Variants in BEND6 observed in about 807,000 individuals in gnomAD.
The protein encoded by BEND6 is BEN domain-containing protein 6.
BEND6 carries 24 observed loss-of-function variants against 31.8 expected under a neutral mutation model. The observed-to-expected ratio is 0.75, with a 90% CI of 0.55 to 1.06. The LOEUF is 1.06. Among genes scored for constraint, BEND6 ranks in the 50% least tolerant of loss-of-function variants. BEND6 has a pLI of 0.00. For synonymous variants in BEND6, 109 were observed against 114.6 expected (o/e 0.95, Z 0.31); for missense variants, 294 against 327.4 (o/e 0.90, Z 0.79).
At chr6:56,990,249 CTTTTTTTTTTT>C (rs943959318) in intron 2 of BEND6, among the ~76,000 whole-genome samples, 2 of 110,172 alleles carry the variant, frequency 1.8e-5, no homozygotes, top group African/African-American at 3.4e-5. Flanking sequence ...CCACTCGCTT[CTTTTTTTTTTT>C]TTTTTTTTTG....
chr6:57,015,666 G>C lies in BEND6; in HGVS notation c.519+313G>C, dbSNP rs553073854. Among the ~76,000 whole-genome samples the C allele has an allele frequency of 4.0e-5, 6 of 151,630 alleles. No homozygotes were observed. The South Asian group carries it at 1.3e-3, about 32-fold the overall frequency. Reference sequence around the variant, plus strand: ...CAAAAAAAAAAAAAATTAACCGGACGTGATGACGGGCACCTGTAGTCCCAG... The same window carrying C: ...CAAAAAAAAAAAAAATTAACCGGACCTGATGACGGGCACCTGTAGTCCCAG... On this transcript the variant is annotated intron_variant, in intron 4 of 6. Transcript: ENST00000370746.
chr6:56,959,197 C>T lies in BEND6; in HGVS notation c.-101+3737C>T, dbSNP rs192701321. On this transcript the variant is annotated intron_variant, in intron 1 of 6. Coordinates refer to ENST00000370746, the MANE Select transcript of BEND6 (RefSeq NM_152731.3). ...ACTAGCTCTTTCTGGTCTCAGGTTG[C>T]TTTAGACTCTGCAGAGTGAAAATTG... 1.1e-3 allele frequency among the ~76,000 whole-genome samples: 175 copies of T among 152,258 alleles called. 1 individual carries two copies. The highest frequency in any genetic ancestry group is 1.8e-3 in the Non-Finnish European group (123 of 68,018).
At chr6:56,968,036 TAAGTG>T (rs1825547206) in intron 1 of BEND6, among the ~76,000 whole-genome samples, 1 of 152,208 alleles carries the variant, frequency 6.6e-6, no homozygotes, top group Non-Finnish European at 1.5e-5. Flanking sequence ...TTATTTTTAT[TAAGTG>T]AAGGAGGCAG....
intron 6 of BEND6, among the ~76,000 whole-genome samples, chr6:57,023,076 A>G (rs935883432): frequency 5.9e-5 from 9 of 152,180 alleles, no homozygotes; most frequent in Admixed American, 2.6e-4. Context: ...CCATGTGTTA[A>G]TGAAAACAAT....
At chr6:56,978,415 A>G (rs1291225318) in intron 1 of BEND6, among the ~76,000 whole-genome samples, 1 of 152,132 alleles carries the variant, frequency 6.6e-6, no homozygotes, top group African/African-American at 2.4e-5. Context: ...CCCTATGCCA[A>G]TTTCCTCTCC....
At chr6:56,992,246 G>A (rs1826531716) in intron 2 of BEND6, 132 bp from the exon 3 acceptor site, 1 of 1,012,926 alleles carries the variant, frequency 9.9e-7, no homozygotes, top group Non-Finnish European at 1.4e-6. Flanking sequence ...ACAAAGCTGG[G>A]GCTAGATCAG....
At chr6:56,973,665 C>T (rs1428377320) in intron 1 of BEND6, among the ~76,000 whole-genome samples, 1 of 152,124 alleles carries the variant, frequency 6.6e-6, no homozygotes, top group African/African-American at 2.4e-5. Flanking sequence ...AGTGTGGATA[C>T]GCTGGACAAA....
At chr6:56,990,811 A>T (rs569484747) in intron 2 of BEND6, among the ~76,000 whole-genome samples, 9 of 152,282 alleles carry the variant, frequency 5.9e-5, no homozygotes, top group South Asian at 2.1e-4. Flanking sequence ...TCAATTTTTT[A>T]AAAAAATTAA....
At chr6:56,999,686 G>C (rs1273567023) in intron 3 of BEND6, among the ~76,000 whole-genome samples, 4 of 152,196 alleles carry the variant, frequency 2.6e-5, no homozygotes, top group Non-Finnish European at 4.4e-5. Flanking sequence ...AGACCACTGT[G>C]TACTCCACCA....
chr6:56,972,827 C>G (rs1825737162), intron 1 of BEND6, among the ~76,000 whole-genome samples: 1 of 152,188 alleles, frequency 6.6e-6, no homozygotes, highest in Admixed American at 6.5e-5. Context: ...AGTACAAGAA[C>G]AGGCCCAGCA....
At chr6:57,011,469 C>T (rs1827338446) in intron 3 of BEND6, among the ~76,000 whole-genome samples, 1 of 151,956 alleles carries the variant, frequency 6.6e-6, no homozygotes, top group African/African-American at 2.4e-5. Context: ...AGTGGCTCCC[C>T]ACTGTAATCC....
At chr6:56,986,041 A>G (rs1436702603) in intron 2 of BEND6, among the ~76,000 whole-genome samples, 6 of 152,206 alleles carry the variant, frequency 3.9e-5, no homozygotes, top group Non-Finnish European at 1.5e-5. Flanking sequence ...ACTAATTACT[A>G]CTAACAGAAT....
At chr6:56,990,702 C>A (rs1042326327) in intron 2 of BEND6, among the ~76,000 whole-genome samples, 1 of 152,144 alleles carries the variant, frequency 6.6e-6, no homozygotes, top group African/African-American at 2.4e-5. Flanking sequence ...GCCTTCTGTT[C>A]TTCCATATAA....
chr6:57,004,677 T>A (rs921825757), intron 3 of BEND6: 17 of 1,501,504 alleles, frequency 1.1e-5, no homozygotes, highest in East Asian at 9.0e-5. Context: ...AAAAAAAAAA[T>A]GTGAATCAGT....
chr6:56,988,389 CAT>C (rs1001826104), intron 2 of BEND6, among the ~76,000 whole-genome samples: 2 of 152,048 alleles, frequency 1.3e-5, no homozygotes, highest in African/African-American at 2.4e-5. Context: ...GACCTAATAG[CAT>C]AGTCTCAGTC....
At chr6:56,992,172 C>T (rs2127863047) in intron 2 of BEND6, among the ~76,000 whole-genome samples, 1 of 152,278 alleles carries the variant, frequency 6.6e-6, no homozygotes, top group Middle Eastern at 3.4e-3. Flanking sequence ...TTCTGTTTCT[C>T]AAGAGGCATA....
At chr6:57,004,911 G>T in intron 3 of BEND6, 1 of 565,064 alleles carries the variant, frequency 1.8e-6, no homozygotes, top group Non-Finnish European at 3.2e-6. Flanking sequence ...TACTCAGGAG[G>T]ATGAGGCAAG....
At chr6:56,976,317 T>C (rs1183752888) in intron 1 of BEND6, among the ~76,000 whole-genome samples, 2 of 150,486 alleles carry the variant, frequency 1.3e-5, no homozygotes, top group Non-Finnish European at 3.0e-5. Context: ...TTCCTCAGCC[T>C]CCCGAGTAGC....
chr6:56,962,433 G>GC lies in BEND6; in HGVS notation c.-101+6974dup, dbSNP rs1562533350. The stretch of plus-strand genomic sequence containing the variant: ...TTATGTGACTGTTTCACTCCAGTGG[G>GC]CAAGTCCAGTTTCCTGACGTATCCC... On this transcript the variant is annotated intron_variant, in intron 1 of 6. Coordinates refer to ENST00000370746, the MANE Select transcript of BEND6 (RefSeq NM_152731.3). Among the ~76,000 whole-genome samples the GC allele has an allele frequency of 3.3e-5, 5 of 152,294 alleles. No individual in the cohort carries two copies. The South Asian group carries it at 8.3e-4, about 25-fold the overall frequency.
Sources: allele counts gnomAD v4.1 joint callset (sites outside exome capture counted in the v4.1 genomes callset), GRCh38; gene constraint gnomAD v4.1.1; transcripts MANE v1.5; gene names NCBI Gene and HGNC (gene_info 2026-07-23, HGNC 2026-07-21).